The following DNMT3B variants were observed in gnomAD, a reference collection of about 807,000 sequenced individuals.
DNMT3B encodes the protein DNA (cytosine-5)-methyltransferase 3B.
DNMT3B carries 37 observed loss-of-function variants against 120.2 expected under a neutral mutation model. The ratio of observed to expected loss-of-function variants is 0.31; its 90% CI spans 0.24 to 0.40. The LOEUF is 0.40. Among genes scored for constraint, DNMT3B ranks in the 10% least tolerant of loss-of-function variants. DNMT3B has a pLI of 1.00. For synonymous variants in DNMT3B, 412 were observed against 442.8 expected (o/e 0.93, Z 0.87); for missense variants, 878 against 1,137.3 (o/e 0.77, Z 3.28).
chr20:32,789,115 C>T, intron 7 of DNMT3B, 103 bp downstream of exon 7: 1 of 1,512,298 alleles, frequency 6.6e-7, no homozygotes, highest in Non-Finnish European at 9.0e-7. Flanking sequence ...GATGTGTGAG[C>T]CTATGCCTTC....
intron 18 of DNMT3B, 92 bp from the exon 19 acceptor site, chr20:32,801,186 A>T: frequency 3.2e-6 from 5 of 1,585,666 alleles, no homozygotes; most frequent in Non-Finnish European, 4.3e-6. Flanking sequence ...AACTGTCAGG[A>T]GGCCATTGGG....
intron 6 of DNMT3B, 66 bp downstream of exon 6, chr20:32,787,517 C>A: frequency 6.6e-7 from 1 of 1,521,980 alleles, no homozygotes; most frequent in Non-Finnish European, 9.0e-7. Context: ...AAACCAGTTA[C>A]CTGCTACTGT....
chr20:32,801,161 G>GT (rs2146051258), intron 18 of DNMT3B, 117 bp from the exon 19 acceptor site: 1 of 1,471,158 alleles, frequency 6.8e-7, no homozygotes, highest in African/African-American at 1.4e-5. Context: ...ACATAGACTG[G>GT]TAGGCATCAC....
At chr20:32,767,057 A>G (rs1987417226) in intron 1 of DNMT3B, among the ~76,000 whole-genome samples, 1 of 151,744 alleles carries the variant, frequency 6.6e-6, no homozygotes. Context: ...TGCCCGGCTA[A>G]TTCTGTATTT....
At chr20:32,786,713 T>TGG in intron 5 of DNMT3B, 86 bp downstream of exon 5, 1 of 1,597,794 alleles carries the variant, frequency 6.3e-7, no homozygotes, top group East Asian at 2.2e-5. Flanking sequence ...TTGTGGCTGG[T>TGG]AGATAATCTG....
chr20:32,776,146 T>C (rs1328405179), intron 1 of DNMT3B, among the ~76,000 whole-genome samples: 2 of 151,972 alleles, frequency 1.3e-5, no homozygotes, highest in African/African-American at 4.8e-5. Context: ...GGAGAATCGC[T>C]TGAACCCGGG....
chr20:32,785,925 C>T (rs1334186507), intron 4 of DNMT3B, among the ~76,000 whole-genome samples: 1 of 151,058 alleles, frequency 6.6e-6, no homozygotes, highest in Non-Finnish European at 1.5e-5. Flanking sequence ...ACTGTGTTGC[C>T]CAGGCTGGAG....
chr20:32,780,604 G>T, intron 2 of DNMT3B, 139 bp downstream of exon 2: 1 of 1,394,998 alleles, frequency 7.2e-7, no homozygotes, highest in South Asian at 1.4e-5. Context: ...CTAGCAAGGA[G>T]GGATGCAGGG....
At position 32,765,751 on chromosome 20, in the gene DNMT3B, TTTTTTTC is replaced by T. The variant is rs1388440019; in HGVS notation, c.-7+3059_-7+3065del. Among the ~76,000 whole-genome samples the T allele has an allele frequency of 8.1e-5, 8 of 98,844 alleles. No individual in the cohort carries two copies. The East Asian group carries it at 1.4e-3, about 17-fold the overall frequency. The allele number at this position is 98,844 out of a possible 152,430, so 64.8% of individuals were successfully genotyped here. Reference sequence around the variant, plus strand: ...TATTTATTTATTTATTTATTTTTTCTTTTTTTCTTTTTTTTTTTTTTTGAGACGGAGT... The same window carrying T: ...TATTTATTTATTTATTTATTTTTTCTTTTTTTTTTTTTTTTGAGACGGAGT... On this transcript the variant is annotated intron_variant, in intron 1 of 22. Transcript: ENST00000328111.
chr20:32,783,286 A>AT lies in DNMT3B; in HGVS notation c.205-1464dup, dbSNP rs928794889. ...TGTTAGGATTAGGTGGGCTCAAGGA[A>AT]TTTTTTTTACAAGCTGGAAGAAACT... is the stretch of plus-strand genomic sequence containing the variant. On this transcript the variant is annotated intron_variant, in intron 3 of 22. Coordinates refer to ENST00000328111, the MANE Select transcript of DNMT3B (RefSeq NM_006892.4). 2.6e-5 allele frequency among the ~76,000 whole-genome samples: 4 copies of AT among 152,112 alleles called. No homozygotes were observed. In the South Asian group the frequency reaches 6.2e-4, roughly 24 times the overall value.
intron 1 of DNMT3B, among the ~76,000 whole-genome samples, chr20:32,767,349 C>T (rs1367889929): frequency 7.0e-6 from 1 of 143,302 alleles, no homozygotes; most frequent in African/African-American, 2.5e-5. Flanking sequence ...GGTCTGGCTA[C>T]AGGGCCAGGA....
intron 1 of DNMT3B, among the ~76,000 whole-genome samples, chr20:32,772,416 G>A (rs1987795462): frequency 6.6e-6 from 1 of 152,192 alleles, no homozygotes; most frequent in Non-Finnish European, 1.5e-5. Flanking sequence ...TGCTGTGAGG[G>A]AGGGGCCAAG....
intron 6 of DNMT3B, 57 bp from the exon 7 acceptor site, chr20:32,788,797 A>G (rs935624265): frequency 6.2e-7 from 1 of 1,611,566 alleles, no homozygotes; most frequent in African/African-American, 1.3e-5. Flanking sequence ...AGTGGACAGG[A>G]CTTGGCCCAG....
Position 32,798,356 on chromosome 20 carries a change from A to G in DNMT3B, c.1491-104A>G, listed in dbSNP as rs550582530. ...TGCTGTTAAGCAGCCGATCCTAGGT[A>G]AGCTTTCAGGAGGGGGTTGGCATTT... On this transcript the variant is annotated intron_variant, in intron 14 of 22. Transcript: ENST00000328111. 3.9e-5 allele frequency: 57 copies of G among 1,454,334 alleles called. No homozygotes were observed. The African/African-American group carries it at 7.5e-4, about 19-fold the overall frequency. The allele number at this position is 1,454,334 out of a possible 1,614,324, so 90.1% of individuals were successfully genotyped here.
At chr20:32,780,091 T>C (rs774277730) in intron 1 of DNMT3B, 1 of 1,612,340 alleles carries the variant, frequency 6.2e-7, no homozygotes. Context: ...TGCTGGCGTC[T>C]GAGCCTTCGG....
chr20:32,793,488 C>T, intron 9 of DNMT3B, 48 bp from the exon 10 acceptor site: 2 of 1,596,190 alleles, frequency 1.3e-6, no homozygotes, highest in South Asian at 2.2e-5. Context: ...ACAGTCCATA[C>T]ATTTAATGTA....
intron 21 of DNMT3B, 94 bp from the exon 22 acceptor site, chr20:32,806,115 G>A (rs377281111): frequency 8.6e-6 from 10 of 1,160,588 alleles, no homozygotes; most frequent in Admixed American, 3.4e-5. Context: ...CCGCACCTGC[G>A]CTCTCCCCTC....
chr20:32,794,121 C>T (rs145769579), intron 10 of DNMT3B, among the ~76,000 whole-genome samples: 252 of 151,912 alleles, frequency 1.7e-3, no homozygotes, highest in African/African-American at 5.5e-3. Context: ...CATTTTGGGA[C>T]GCTGAGGTGG....
At position 32,799,341 on chromosome 20, in the gene DNMT3B, A is replaced by G; in HGVS notation, c.1759+13A>G. 6.2e-7 allele frequency: 1 copy of G among 1,609,808 alleles called. No individual in the cohort carries two copies. On this transcript the variant is annotated intron_variant, in intron 16 of 22. Transcript: ENST00000328111. ...GGCATCGCGACAGGTGAGTTCGGGG[A>G]ACACCTGGAGACACTGCTATCGTGT...
Sources: allele counts gnomAD v4.1 joint callset (sites outside exome capture counted in the v4.1 genomes callset), GRCh38; gene constraint gnomAD v4.1.1; transcripts MANE v1.5; gene names NCBI Gene and HGNC (gene_info 2026-07-23, HGNC 2026-07-21).